Variants in CPS1 observed in about 807,000 individuals in gnomAD.
CPS1 encodes the protein carbamoyl-phosphate synthase [ammonia], mitochondrial.
CPS1 carries 109 observed loss-of-function variants against 174.6 expected under a neutral mutation model. The ratio of observed to expected loss-of-function variants is 0.62; its 90% confidence interval spans 0.53 to 0.73. The LOEUF (loss-of-function observed/expected upper bound fraction) is 0.73, where lower values mean the gene tolerates loss of function less well. Among genes scored for constraint, CPS1 ranks in the 30% least tolerant of loss-of-function variants. CPS1 has a pLI of 0.00. For missense variants in CPS1, 1,689 were observed against 1,821.9 expected, an observed-to-expected ratio of 0.93 and a Z score of 1.33; for synonymous variants, 637 against 632.0, an observed-to-expected ratio of 1.01 and a Z score of -0.12.
intron 1 of CPS1, among the ~76,000 whole-genome samples, chr2:210,510,124 C>G (rs931717148): frequency 7.9e-5 from 12 of 152,194 alleles, no homozygotes; most frequent in East Asian, 3.9e-4. Context: ...TGACTTCAAA[C>G]TATACTACAA....
chr2:210,605,170 A>G lies in CPS1; in HGVS notation c.1905A>G (p.Glu635=). ...CAGGTTGGAAAGAAATAGAATATGA[A>G]GTGGTTCGAGATGCTGATGACAATT... ...SVTGWKEIEY[E]VVRDADDNCV... The change falls in exon 17 of 38, where the codon GAA becomes GAG. Residue 635 remains glutamate, a synonymous_variant. Transcript: ENST00000233072. 2 of 1,612,192 alleles carry G rather than the reference A, an allele frequency of 1.2e-6. No homozygotes were observed. The highest frequency in any genetic ancestry group is 1.7e-6 in the Non-Finnish European group (2 of 1,178,818).
intron 1 of CPS1, among the ~76,000 whole-genome samples, chr2:210,493,745 C>T (rs991308789): frequency 6.6e-6 from 1 of 152,146 alleles, no homozygotes; most frequent in African/African-American, 2.4e-5. Flanking sequence ...TGTTGTTTTT[C>T]AGTCTGCTGT....
chr2:210,565,066 T>C (rs1343927984), intron 1 of CPS1, among the ~76,000 whole-genome samples: 2 of 151,770 alleles, frequency 1.3e-5, no homozygotes, highest in Admixed American at 1.3e-4. Flanking sequence ...GGAGATCATA[T>C]AGCTATTTTT....
intron 1 of CPS1, among the ~76,000 whole-genome samples, chr2:210,531,670 A>G (rs963659969): frequency 6.6e-6 from 1 of 152,078 alleles, no homozygotes; most frequent in African/African-American, 2.4e-5. Context: ...TGGACAGATG[A>G]TGTGCTTAGA....
rs1171327996 is a variant in CPS1, at chr2:210,678,001, A to C, written c.*16A>C. ...AGCAGCATAGAGATGCAGACACCCCAGCCCCATTATTAAATCAACCTGAGC... is the reference window on the plus strand; with the variant it reads ...AGCAGCATAGAGATGCAGACACCCCCGCCCCATTATTAAATCAACCTGAGC... On this transcript the variant is annotated 3_prime_UTR_variant, in exon 38 of 38. Coordinates refer to ENST00000233072, the MANE Select transcript of CPS1 (RefSeq NM_001875.5). 1.9e-6 allele frequency: 3 copies of C among 1,577,876 alleles called. No homozygotes were observed. Among genetic ancestry groups the C allele is most frequent in the Non-Finnish European group, 2.6e-6 (3 of 1,146,960 alleles).
chr2:210,607,834 CAAAGTGTTAGTTTTGTAAG>C, intron 18 of CPS1, among the ~76,000 whole-genome samples: 1 of 151,920 alleles, frequency 6.6e-6, no homozygotes, highest in East Asian at 2.0e-4. Flanking sequence ...GTCAAGTTCT[CAAAGTGTTAGTTTTGTAAG>C]GAGCCCAAAG....
chr2:210,614,230 G>C (rs1371891125), intron 20 of CPS1, among the ~76,000 whole-genome samples: 1 of 151,734 alleles, frequency 6.6e-6, no homozygotes, highest in Admixed American at 6.6e-5. Context: ...TGGAGATGAG[G>C]TCTTAAGACT....
intron 17 of CPS1, among the ~76,000 whole-genome samples, chr2:210,606,372 A>T (rs756932126): frequency 6.6e-5 from 10 of 151,850 alleles, no homozygotes; most frequent in Non-Finnish European, 1.2e-4. Flanking sequence ...AAGGGATGAG[A>T]TACAGAAAGC....
Position 210,529,072 on chromosome 2 carries a change from G to C in CPS1, c.4-27647G>C, listed in dbSNP as rs529843466. Among the ~76,000 whole-genome samples the C allele has an allele frequency of 4.6e-5, 7 of 151,918 alleles. No individual in the cohort carries two copies. In the South Asian group the frequency reaches 1.5e-3, roughly 32 times the overall value. On this transcript the variant is annotated intron_variant, in intron 1 of 38. Transcript: ENST00000430249. ...ATGTCCCCGTTAAGATTTTTAAAGG[G>C]AGTTATAGTGAAAATAGAACTGGGA...
chr2:210,657,732 C>G (rs78697174), intron 30 of CPS1: 8 of 152,202 alleles, frequency 5.3e-5, no homozygotes, highest in African/African-American at 1.9e-4. Flanking sequence ...TTCAGGCAGA[C>G]CTGTCTCTCT....
chr2:210,486,668 A>G (rs925801164), intron 1 of CPS1, among the ~76,000 whole-genome samples: 2 of 152,084 alleles, frequency 1.3e-5, no homozygotes, highest in African/African-American at 4.8e-5. Context: ...GCACCACCAC[A>G]TGCAGCTAAT....
intron 20 of CPS1, among the ~76,000 whole-genome samples, chr2:210,615,580 G>A (rs1699278921): frequency 6.6e-6 from 1 of 151,926 alleles, no homozygotes; most frequent in Non-Finnish European, 1.5e-5. Context: ...ATTTTTCACA[G>A]GGTATATACA....
At chr2:210,478,244 A>G (rs1694458943) in intron 1 of CPS1, among the ~76,000 whole-genome samples, 2 of 152,226 alleles carry the variant, frequency 1.3e-5, no homozygotes, top group South Asian at 4.1e-4. Flanking sequence ...TCACTCCAAC[A>G]TATCAATTGT....
intron 1 of CPS1, among the ~76,000 whole-genome samples, chr2:210,507,533 AC>A (rs1187635672): frequency 1.8e-4 from 27 of 152,012 alleles, no homozygotes; most frequent in African/African-American, 6.3e-4. Flanking sequence ...AACAATATTA[AC>A]CTTAAATGTA....
At chr2:210,519,814 T>C (rs1695774853) in intron 1 of CPS1, 1 of 984,148 alleles carries the variant, frequency 1.0e-6, no homozygotes, top group African/African-American at 1.7e-5. Context: ...GGGAGGGCAA[T>C]GATTTATGCA....
chr2:210,590,341 G>T, intron 8 of CPS1, 107 bp downstream of exon 8: 1 of 1,523,876 alleles, frequency 6.6e-7, no homozygotes, highest in Non-Finnish European at 9.1e-7. Context: ...ATTTTTCAAT[G>T]CTGGTATTTG....
In CPS1 at chr2:210,607,027, A is replaced by G. The variant is rs1464767002; in HGVS notation, c.2192+86A>G. On this transcript the variant is annotated intron_variant, in intron 18 of 37. Coordinates refer to ENST00000233072, the MANE Select transcript of CPS1 (RefSeq NM_001875.5). The stretch of plus-strand genomic sequence containing the variant: ...GACAGATAGTGGAAGACTGTACTGC[A>G]TTTACAAACTATGTTCCCTTTTTCT... 1.8e-5 allele frequency: 21 copies of G among 1,194,964 alleles called. No individual in the cohort carries two copies. In the East Asian group the frequency reaches 5.2e-4, roughly 30 times the overall value. 74.0% of individuals were successfully genotyped at this position (1,194,964 alleles called of 1,614,324 possible).
chr2:210,658,643 T>C lies in CPS1; in HGVS notation c.3711T>C (p.Ser1237=), dbSNP rs1559131877. Residue 1237 remains serine, a synonymous_variant, in exon 31 of 38, where the codon TCT becomes TCC. Coordinates refer to ENST00000233072, the MANE Select transcript of CPS1 (RefSeq NM_001875.5). ...TRKIAKAFAI[S]GPFNVQFLVK... ...AGATTGCAAAGGCTTTTGCCATCTC[T>C]GGTCCATTCAACGTCCAATTTCTTG... The C allele has an allele frequency of 4.3e-6, 7 of 1,614,126 alleles. No homozygotes were observed. The highest frequency in any genetic ancestry group is 5.9e-6 in the Non-Finnish European group (7 of 1,179,978).
Position 210,590,107 on chromosome 2 carries a change from G to T in CPS1, c.713G>T (p.Arg238Leu). 1 of 1,612,588 alleles carries T rather than the reference G, an allele frequency of 6.2e-7. No homozygotes were observed. The highest frequency in any genetic ancestry group is 1.3e-5 in the African/African-American group (1 of 74,870). The stretch of plus-strand genomic sequence containing the variant: ...ATCATTCTTGTGTCTCTTTTCCAGC[G>T]AGGAGCTGAAGTGCACTTAGTTCCC... ...KNNVIRLLVK[R>L]GAEVHLVPWN... The change falls in exon 8 of 38, where the codon CGA (arginine) becomes CTA (leucine). Residue 238 changes from arginine to leucine, a missense_variant and splice_region_variant. Transcript: ENST00000233072.
Sources: gnomAD v4.1 joint callset for allele counts (sites outside exome capture counted in the v4.1 genomes callset) on GRCh38, gnomAD v4.1.1 for gene constraint, MANE v1.5 for transcripts, NCBI Gene and HGNC (gene_info 2026-07-23, HGNC 2026-07-21) for gene names.